Variants in FHIT observed in about 807,000 individuals in gnomAD.
The protein encoded by FHIT is fragile histidine triad diadenosine triphosphatase.
In FHIT, 19 loss-of-function variants were observed where a neutral mutation model predicts 17.9. That is an observed-to-expected ratio of 1.06 (90% CI 0.74 to 1.56). FHIT has a LOEUF of 1.56. Ranked by LOEUF, FHIT falls within the 40% of genes most tolerant of loss-of-function variation. The pLI is 0.00. For missense variants in FHIT, 248 were observed against 189.2 expected, an observed-to-expected ratio of 1.31 and a Z score of -1.82; for synonymous variants, 81 against 69.7, an observed-to-expected ratio of 1.16 and a Z score of -0.81.
intron 3 of FHIT, among the ~76,000 whole-genome samples, chr3:60,846,533 A>T (rs1553746531): frequency 6.6e-6 from 1 of 152,234 alleles, no homozygotes; most frequent in Non-Finnish European, 1.5e-5. Flanking sequence ...TGCAAGTTAC[A>T]TTGCTTTGTG....
intron 2 of FHIT, among the ~76,000 whole-genome samples, chr3:61,134,929 G>A (rs982623618): frequency 6.6e-6 from 1 of 152,060 alleles, no homozygotes; most frequent in Non-Finnish European, 1.5e-5. Flanking sequence ...TCCCACAGAC[G>A]TCCAGGCTCC....
chr3:60,080,755 A>G (rs1308114935), intron 5 of FHIT: 3 of 152,170 alleles, frequency 2.0e-5, no homozygotes, highest in African/African-American at 7.2e-5. Flanking sequence ...AGAAGAAAAT[A>G]GCACCACAGC....
chr3:61,245,865 TAGGG>T (rs1320819857), intron 1 of FHIT, among the ~76,000 whole-genome samples: 1 of 152,168 alleles, frequency 6.6e-6, no homozygotes, highest in African/African-American at 2.4e-5. Flanking sequence ...CCATCTTCAA[TAGGG>T]GCTGAGTAAA....
At chr3:61,184,111 C>T (rs542203240) in intron 2 of FHIT, among the ~76,000 whole-genome samples, 31 of 152,172 alleles carry the variant, frequency 2.0e-4, no homozygotes, top group African/African-American at 6.0e-4. Flanking sequence ...ATTTTTCAGA[C>T]AGAGAATATT....
intron 8 of FHIT, among the ~76,000 whole-genome samples, chr3:59,800,689 A>G (rs1009331878): frequency 1.3e-5 from 2 of 152,210 alleles, no homozygotes; most frequent in East Asian, 3.9e-4. Context: ...AGATGTCACA[A>G]TCAATACTCA....
chr3:60,722,873 C>G (rs575838465), intron 4 of FHIT, among the ~76,000 whole-genome samples: 2 of 152,152 alleles, frequency 1.3e-5, no homozygotes, highest in East Asian at 3.9e-4. Context: ...CAGGCAGGAG[C>G]CGCCACATCC....
At chr3:60,238,950 C>G (rs1704963251) in intron 5 of FHIT, among the ~76,000 whole-genome samples, 1 of 152,122 alleles carries the variant, frequency 6.6e-6, no homozygotes, top group Non-Finnish European at 1.5e-5. Context: ...AAATCATTTT[C>G]TAAAACATGG....
At chr3:60,326,225 T>A (rs1268654766) in intron 5 of FHIT, among the ~76,000 whole-genome samples, 17 of 152,150 alleles carry the variant, frequency 1.1e-4, no homozygotes, top group Non-Finnish European at 1.5e-5. Context: ...TTTATATTAT[T>A]ATTACATTGT....
rs1001947929 is a variant in FHIT, at chr3:60,526,773, C to T, written c.103+10087G>A. The stretch of plus-strand genomic sequence containing the variant: ...CCTGCACTCCCAGATCATGACAGTA[C>T]CTGTGTCAGCCTGCAGGTCCTACAG... On this transcript the variant is annotated intron_variant, in intron 5 of 9. Transcript: ENST00000492590. 3.9e-5 allele frequency among the ~76,000 whole-genome samples: 6 copies of T among 152,146 alleles called. No homozygotes were observed. In the East Asian group the frequency reaches 1.2e-3, roughly 29 times the overall value.
chr3:61,246,853 A>G (rs1423640612), intron 1 of FHIT, among the ~76,000 whole-genome samples: 1 of 152,064 alleles, frequency 6.6e-6, no homozygotes, highest in Non-Finnish European at 1.5e-5. Flanking sequence ...CCCAGAACTT[A>G]AAGTAAAATT....
chr3:59,912,971 T>C (rs879612292), intron 8 of FHIT, among the ~76,000 whole-genome samples: 2 of 152,220 alleles, frequency 1.3e-5, no homozygotes, highest in Admixed American at 6.5e-5. Context: ...AAGGATGACC[T>C]TGGGAATTTT....
At chr3:60,796,623 C>T (rs1370036593) in intron 4 of FHIT, among the ~76,000 whole-genome samples, 1 of 152,092 alleles carries the variant, frequency 6.6e-6, no homozygotes, top group Non-Finnish European at 1.5e-5. Flanking sequence ...TGGTCTGTCC[C>T]CCAGGCTGGA....
chr3:59,936,246 T>C (rs1391723882), intron 7 of FHIT, among the ~76,000 whole-genome samples: 1 of 152,168 alleles, frequency 6.6e-6, no homozygotes, highest in Non-Finnish European at 1.5e-5. Flanking sequence ...GCTGTCTTTG[T>C]TAGACAAAAT....
rs187570635 is a variant in FHIT at position 60,423,121 on chromosome 3, T to C, written c.103+113739A>G. Among the ~76,000 whole-genome samples the C allele has an allele frequency of 5.2e-3, 789 of 152,224 alleles. 3 individuals carry two copies. Among genetic ancestry groups the C allele is most frequent in the Non-Finnish European group, 8.5e-3 (575 of 67,996 alleles). On this transcript the variant is annotated intron_variant, in intron 5 of 9. Transcript: ENST00000492590. ...CTCAATTGCCACCAGCAGCCTCTCA[T>C]GGCAAAGCGAGGGACCAGCCTCAAG...
At chr3:59,938,328 A>G (rs1311126617) in intron 7 of FHIT, among the ~76,000 whole-genome samples, 1 of 152,182 alleles carries the variant, frequency 6.6e-6, no homozygotes, top group Admixed American at 6.5e-5. Context: ...GATCTTACTT[A>G]AATGTGGAAT....
chr3:60,334,014 G>C (rs562781778), intron 5 of FHIT, among the ~76,000 whole-genome samples: 6 of 152,200 alleles, frequency 3.9e-5, no homozygotes, highest in South Asian at 2.1e-4. Context: ...GTCAGTGAGA[G>C]AGATGGGTTT....
Position 60,027,137 on chromosome 3 carries a change from ACACACACACAC to A in FHIT, c.104-12996_104-12986del, listed in dbSNP as rs1254146537. On this transcript the variant is annotated intron_variant, in intron 5 of 9. Coordinates refer to ENST00000492590, the MANE Select transcript of FHIT (RefSeq NM_002012.4). Reference sequence around the variant, plus strand: ...CACACACACACACACACACACACACACACACACACACAAAATTAGTAAACCCAATAATCCAC... The same window carrying A: ...CACACACACACACACACACACACACAAAAATTAGTAAACCCAATAATCCAC... Among the ~76,000 whole-genome samples, 178 of 116,206 alleles carry A rather than the reference ACACACACACAC, an allele frequency of 1.5e-3. 4 individuals are homozygous for A. Among genetic ancestry groups the A allele is most frequent in the African/African-American group, 5.3e-3 (157 of 29,390 alleles). The allele number at this position is 116,206 out of a possible 152,430, so 76.2% of individuals were successfully genotyped here. A position where few individuals can be genotyped will look rare whatever the true frequency, so the allele number is the denominator to read the frequency against.
chr3:59,986,789 T>TATAAATATATA, intron 7 of FHIT, among the ~76,000 whole-genome samples: 2 of 1,736 alleles, frequency 1.2e-3, no homozygotes, highest in African/African-American at 2.8e-3. Context: ...TAAATATATA[T>TATAAATATATA]ATATAAATAT....
intron 7 of FHIT, among the ~76,000 whole-genome samples, chr3:60,008,439 G>A (rs1005397056): frequency 2.0e-5 from 3 of 152,038 alleles, no homozygotes; most frequent in African/African-American, 4.8e-5. Context: ...GCAAGGCCAC[G>A]CTTGTTCTTT....
Sources: allele counts gnomAD v4.1 joint callset (sites outside exome capture counted in the v4.1 genomes callset), GRCh38; gene constraint gnomAD v4.1.1; transcripts MANE v1.5; gene names NCBI Gene and HGNC (gene_info 2026-07-23, HGNC 2026-07-21).